TENM4: variants seen among roughly 807,000 people sequenced by gnomAD.
TENM4 encodes the protein teneurin transmembrane protein 4, also known as teneurin-4.
Under a neutral mutation model 243.3 loss-of-function variants are expected in TENM4, and 82 were observed. That is an observed-to-expected ratio of 0.34 (90% confidence interval 0.28 to 0.40). The LOEUF is 0.40. Ranked by LOEUF, TENM4 falls within the 10% of genes least tolerant of loss-of-function variation. The pLI is 1.00. For synonymous variants in TENM4, 1,412 were observed against 1,456.3 expected, an observed-to-expected ratio of 0.97 and a Z score of 0.69; for missense variants, 3,138 against 3,673.3, an observed-to-expected ratio of 0.85 and a Z score of 3.77.
chr11:78,738,735 A>G (rs1251439168), intron 19 of TENM4, among the ~76,000 whole-genome samples, 165 bp from the exon 20 acceptor site: 1 of 152,246 alleles, frequency 6.6e-6, no homozygotes, highest in Non-Finnish European at 1.5e-5. Flanking sequence ...TCTTTAAAAA[A>G]TATCACCTCA....
intron 6 of TENM4, among the ~76,000 whole-genome samples, chr11:78,919,484 G>A (rs575551684): frequency 6.6e-6 from 1 of 152,210 alleles, no homozygotes; most frequent in East Asian, 1.9e-4. Context: ...TGTGACTTTG[G>A]TCAGGCCAAT....
At chr11:79,418,666 C>A (rs1046015595) in intron 1 of TENM4, among the ~76,000 whole-genome samples, 1 of 152,226 alleles carries the variant, frequency 6.6e-6, no homozygotes, top group African/African-American at 2.4e-5. Context: ...ACTCTGATGA[C>A]CCTTCAGTAC....
At chr11:78,904,374 A>T (rs1300149840) in intron 6 of TENM4, among the ~76,000 whole-genome samples, 3 of 151,086 alleles carry the variant, frequency 2.0e-5, no homozygotes. Context: ...AAAAAAAAAA[A>T]AGTAAAACAT....
chr11:78,909,671 T>G (rs960390182), intron 6 of TENM4, among the ~76,000 whole-genome samples: 5 of 152,192 alleles, frequency 3.3e-5, no homozygotes, highest in African/African-American at 1.2e-4. Context: ...ACTGTCAGGC[T>G]CAGGAAAGGT....
At chr11:78,667,572 C>G (rs1188823980) in intron 32 of TENM4, among the ~76,000 whole-genome samples, 2 of 152,146 alleles carry the variant, frequency 1.3e-5, no homozygotes, top group African/African-American at 4.8e-5. Flanking sequence ...CTGGGCAGAG[C>G]AGGTGGCTTT....
intron 3 of TENM4, among the ~76,000 whole-genome samples, chr11:79,200,370 C>T (rs1025873673): frequency 6.6e-6 from 1 of 152,222 alleles, no homozygotes; most frequent in African/African-American, 2.4e-5. Flanking sequence ...AATATCTCCA[C>T]TTTTAAAAGT....
In TENM4 at chr11:79,433,649, C is replaced by T. The variant is rs74403064; in HGVS notation, c.-321+6860G>A. ...CCTTTTGCACTATTGGGTGAGGCTACAGTGATGCCATTGTGTAAAGCCAGT... is the reference window on the plus strand; with the variant it reads ...CCTTTTGCACTATTGGGTGAGGCTATAGTGATGCCATTGTGTAAAGCCAGT... On this transcript the variant is annotated intron_variant, in intron 1 of 33. Transcript: ENST00000278550. Among the ~76,000 whole-genome samples, 1,166 of 152,304 alleles carry T rather than the reference C, an allele frequency of 7.7e-3. 9 individuals are homozygous for T. The highest frequency in any genetic ancestry group is 0.013 in the Non-Finnish European group (861 of 68,032).
At chr11:79,166,535 C>T (rs1408487258) in intron 3 of TENM4, among the ~76,000 whole-genome samples, 1 of 152,202 alleles carries the variant, frequency 6.6e-6, no homozygotes, top group Non-Finnish European at 1.5e-5. Flanking sequence ...CACTTATTGA[C>T]TGCTTACTAT....
At chr11:79,126,429 T>A (rs1162505970) in intron 4 of TENM4, among the ~76,000 whole-genome samples, 1 of 152,178 alleles carries the variant, frequency 6.6e-6, no homozygotes, top group African/African-American at 2.4e-5. Flanking sequence ...ATAGTGGGAA[T>A]AATTGGATCC....
At chr11:79,287,745 C>A (rs1408329486) in intron 2 of TENM4, among the ~76,000 whole-genome samples, 1 of 152,148 alleles carries the variant, frequency 6.6e-6, no homozygotes, top group African/African-American at 2.4e-5. Flanking sequence ...CTCAAATCAG[C>A]CCATCTTTTC....
chr11:79,137,404 G>A (rs1472091696), intron 4 of TENM4, among the ~76,000 whole-genome samples: 4 of 152,094 alleles, frequency 2.6e-5, no homozygotes, highest in Admixed American at 1.3e-4. Flanking sequence ...CTGTGATTAA[G>A]GTCAATGGAA....
intron 9 of TENM4, among the ~76,000 whole-genome samples, chr11:78,866,403 T>C (rs1342206167): frequency 5.4e-5 from 8 of 149,440 alleles, no homozygotes; most frequent in Admixed American, 6.7e-5. Context: ...AAGAGAAACA[T>C]TTTTATTGTC....
chr11:79,066,602 G>A (rs141829452), intron 5 of TENM4, among the ~76,000 whole-genome samples: 211 of 150,376 alleles, frequency 1.4e-3, no homozygotes, highest in Non-Finnish European at 2.4e-3. Context: ...AAGCACACAC[G>A]CGCGTGCACA....
chr11:79,128,690 G>A (rs1260099793), intron 4 of TENM4, among the ~76,000 whole-genome samples: 1 of 152,200 alleles, frequency 6.6e-6, no homozygotes, highest in Non-Finnish European at 1.5e-5. Flanking sequence ...ATCTCTGAAG[G>A]ACAGCAGTGA....
chr11:78,774,070 A>G (rs1302028463), intron 17 of TENM4, among the ~76,000 whole-genome samples: 1 of 152,208 alleles, frequency 6.6e-6, no homozygotes, highest in East Asian at 1.9e-4. Flanking sequence ...CTGGCAAATT[A>G]CTTCACTCTA....
chr11:79,370,785 A>G (rs1857767966), intron 1 of TENM4, among the ~76,000 whole-genome samples: 1 of 96,528 alleles, frequency 1.0e-5, no homozygotes, highest in African/African-American at 5.1e-5. Context: ...ATGGTAAAAA[A>G]AAAAAAAAAA....
intron 6 of TENM4, among the ~76,000 whole-genome samples, chr11:79,000,506 G>A (rs967062080): frequency 6.6e-6 from 1 of 151,976 alleles, no homozygotes; most frequent in South Asian, 2.1e-4. Context: ...AAGGAATACA[G>A]TCATCTTGGA....
chr11:79,081,952 G>A (rs550600404), intron 4 of TENM4, among the ~76,000 whole-genome samples: 1 of 152,112 alleles, frequency 6.6e-6, no homozygotes, highest in African/African-American at 2.4e-5. Flanking sequence ...CTTAGAGCAG[G>A]TGGGTTGTCC....
chr11:78,675,831 T>C (rs1483630927), intron 30 of TENM4, among the ~76,000 whole-genome samples: 1 of 152,242 alleles, frequency 6.6e-6, no homozygotes, highest in Non-Finnish European at 1.5e-5. Context: ...TAGCAACTTG[T>C]AAAATTGGCC....
Sources: gnomAD v4.1 joint callset for allele counts (sites outside exome capture counted in the v4.1 genomes callset) on GRCh38, gnomAD v4.1.1 for gene constraint, MANE v1.5 for transcripts, NCBI Gene and HGNC (gene_info 2026-07-23, HGNC 2026-07-21) for gene names.